NBR1: variants seen among roughly 807,000 people sequenced by gnomAD.
NBR1 encodes the protein next to BRCA1 gene 1 protein.
In NBR1, 59 loss-of-function variants were observed where a neutral mutation model predicts 115.5. The ratio of observed to expected loss-of-function variants is 0.51; its 90% CI spans 0.41 to 0.63. The LOEUF is 0.63. Ranked by LOEUF, NBR1 falls within the 30% of genes least tolerant of loss-of-function variation. NBR1 has a pLI of 0.00. For synonymous variants in NBR1, 373 were observed against 414.7 expected (o/e 0.90, Z 1.22); for missense variants, 1,043 against 1,150.5 (o/e 0.91, Z 1.35).
intron 1 of NBR1, among the ~76,000 whole-genome samples, chr17:43,171,690 A>C (rs562125800): frequency 6.6e-6 from 1 of 152,276 alleles, no homozygotes; most frequent in African/African-American, 2.4e-5. Flanking sequence ...CACTACTTAC[A>C]CATCCTTCTC....
intron 7 of NBR1, 56 bp from the exon 8 acceptor site, chr17:43,189,532 A>T (rs2056893585): frequency 1.5e-5 from 20 of 1,300,170 alleles, no homozygotes; most frequent in Non-Finnish European, 2.2e-5. Flanking sequence ...ATATCTTCAC[A>T]TTTTTTTCTG....
chr17:43,207,853 G>A (rs1016758921), intron 20 of NBR1, among the ~76,000 whole-genome samples: 4 of 152,114 alleles, frequency 2.6e-5, no homozygotes, highest in African/African-American at 7.2e-5. Flanking sequence ...GCAAGCCAAC[G>A]GTATCCATCC....
chr17:43,194,972 G>C lies in NBR1; in HGVS notation c.1683G>C (p.Leu561=). The C allele has an allele frequency of 6.2e-7, 1 of 1,613,642 alleles. No homozygotes were observed. Among genetic ancestry groups the C allele is most frequent in the Non-Finnish European group, 8.5e-7 (1 of 1,179,746 alleles). The change falls in exon 14 of 21, where the codon CTG becomes CTC. Residue 561 remains leucine, a synonymous_variant. Coordinates refer to ENST00000590996, the MANE Select transcript of NBR1 (RefSeq NM_005899.5). ...SVDLLTAQDL[L]SFELLDINIV... ...ATTGTCTTTTTTTATAGGACCTGCT[G>C]TCCTTTGAGCTGTTGGATATAAACA...
Position 43,175,920 on chromosome 17 carries a change from T to C in NBR1, c.102+19T>C. 1 of 1,376,322 alleles carries C rather than the reference T, an allele frequency of 7.3e-7. No homozygotes were observed. The highest frequency in any genetic ancestry group is 1.2e-5 in the South Asian group (1 of 83,342). 85.3% of individuals were successfully genotyped at this position (1,376,322 alleles called of 1,614,324 possible). A position where few individuals can be genotyped will look rare whatever the true frequency, so the allele number is the denominator to read the frequency against. On this transcript the variant is annotated intron_variant, in intron 2 of 20. Coordinates refer to ENST00000590996, the MANE Select transcript of NBR1 (RefSeq NM_005899.5). ...AGCTATGGTGAGTGTTACTTTATTT[T>C]GTTTCTCCTTGGTTTAAGCATGGTT...
intron 19 of NBR1, among the ~76,000 whole-genome samples, chr17:43,203,365 A>G (rs1446629687): frequency 3.9e-5 from 6 of 152,160 alleles, no homozygotes; most frequent in Admixed American, 3.9e-4. Context: ...TGAGAGAATA[A>G]TTGAGCAGAC....
intron 2 of NBR1, 121 bp downstream of exon 2, chr17:43,176,022 CT>C: frequency 1.7e-6 from 1 of 571,870 alleles, no homozygotes; most frequent in East Asian, 3.1e-5. Context: ...ATTTCTGGGC[CT>C]TTTGGAAAAT....
At chr17:43,184,420 C>A (rs886402146) in intron 5 of NBR1, among the ~76,000 whole-genome samples, 3 of 126,372 alleles carry the variant, frequency 2.4e-5, no homozygotes, top group Non-Finnish European at 4.9e-5. Context: ...AGCTAGAGTG[C>A]AGTGGCGCCA....
Position 43,210,075 on chromosome 17 carries a change from G to A in NBR1, c.*1G>A. ...CGACTGGTACAGCCAACGCTATTGA[G>A]GAGTGACCTTGTATTAAATAACTGC... On this transcript the variant is annotated 3_prime_UTR_variant, in exon 21 of 21. Coordinates refer to ENST00000590996, the MANE Select transcript of NBR1 (RefSeq NM_005899.5). 5 of 1,607,514 alleles carry A rather than the reference G, an allele frequency of 3.1e-6. No individual in the cohort carries two copies. The highest frequency in any genetic ancestry group is 4.2e-6 in the Non-Finnish European group (5 of 1,176,824).
intron 18 of NBR1, 139 bp downstream of exon 18, chr17:43,201,919 C>T (rs1418547524): frequency 1.2e-5 from 7 of 607,422 alleles, no homozygotes; most frequent in Non-Finnish European, 2.0e-5. Context: ...GTGGCTCACA[C>T]CTGTAATCCC....
intron 5 of NBR1, among the ~76,000 whole-genome samples, chr17:43,184,369 A>ACTTTTTTTTTTTTT (rs2056749024): frequency 4.6e-5 from 1 of 21,820 alleles, no homozygotes; most frequent in Admixed American, 1.0e-3. Context: ...CCAAAATACT[A>ACTTTTTTTTTTTTT]TTCTTTTTTT....
intron 19 of NBR1, among the ~76,000 whole-genome samples, chr17:43,202,977 G>A (rs2057236907): frequency 6.6e-6 from 1 of 152,048 alleles, no homozygotes; most frequent in African/African-American, 2.4e-5. Flanking sequence ...CCAACATAGC[G>A]AAACCCCATG....
intron 6 of NBR1, among the ~76,000 whole-genome samples, chr17:43,187,755 A>C (rs1236704282): frequency 7.1e-6 from 1 of 140,924 alleles, no homozygotes; most frequent in East Asian, 2.2e-4. Flanking sequence ...TGATCCGCCC[A>C]CCTCGGCCTC....
At chr17:43,190,568 C>G in intron 8 of NBR1, 41 bp from the exon 9 acceptor site, 1 of 1,549,016 alleles carries the variant, frequency 6.5e-7, no homozygotes, top group East Asian at 2.4e-5. Flanking sequence ...CCAGGTACTT[C>G]CTATTCTGCC....
chr17:43,171,104 C>T (rs575855287), upstream of NBR1: 54 of 152,868 alleles, frequency 3.5e-4, no homozygotes, highest in African/African-American at 1.3e-3. Flanking sequence ...TCGACGCAAT[C>T]TCCACCAATC....
intron 18 of NBR1, among the ~76,000 whole-genome samples, 195 bp from the exon 19 acceptor site, chr17:43,202,460 C>T (rs1225451486): frequency 1.3e-5 from 2 of 151,602 alleles, no homozygotes; most frequent in African/African-American, 4.8e-5. Flanking sequence ...AATCATCTTG[C>T]ATTGCATTTC....
chr17:43,200,245 TGGAGGAGGA>T lies in NBR1; in HGVS notation c.2112_2120del (p.Glu704_Glu706del), dbSNP rs766906447. ...CATATCGCTGAGGAAGAAGCTGTCATGGAGGAGGAGGAGGATGAGGAGGATGAGGAGGAG... is the reference window on the plus strand; with the variant it reads ...CATATCGCTGAGGAAGAAGCTGTCATGGAGGATGAGGAGGATGAGGAGGAG... On this transcript the variant is annotated inframe_deletion, in exon 17 of 21. Coordinates refer to ENST00000590996, the MANE Select transcript of NBR1 (RefSeq NM_005899.5). 7.1e-6 allele frequency: 11 copies of T among 1,551,376 alleles called. No homozygotes were observed. Among genetic ancestry groups the T allele is most frequent in the African/African-American group, 4.1e-5 (3 of 72,984 alleles).
Position 43,190,658 on chromosome 17 carries a change from G to A in NBR1, c.745G>A (p.Gly249Ser), listed in dbSNP as rs1472893901. 21 of 1,611,316 alleles carry A rather than the reference G, an allele frequency of 1.3e-5. 1 individual carries two copies. The Admixed American group carries it at 3.5e-4, about 27-fold the overall frequency. Residue 249 changes from glycine to serine, a missense_variant, in exon 9 of 21, where the codon GGC becomes AGC. Transcript: ENST00000590996. ...TGAAGATTGTGAAGCAGGGCCATAT[G>A]GCCATGACACTAACCACGTCCTGCT... ...ICEDCEAGPY[G>S]HDTNHVLLKL...
chr17:43,171,740 T>A (rs2056377226), intron 1 of NBR1, among the ~76,000 whole-genome samples: 1 of 152,192 alleles, frequency 6.6e-6, no homozygotes, highest in African/African-American at 2.4e-5. Context: ...AGAGATCTCC[T>A]TGGTTAGGGA....
rs768310298 is a variant in NBR1, at chr17:43,190,662, A to C, written c.749A>C (p.His250Pro). 1.2e-6 allele frequency: 2 copies of C among 1,612,334 alleles called. No individual in the cohort carries two copies. Among genetic ancestry groups the C allele is most frequent in the Non-Finnish European group, 1.7e-6 (2 of 1,179,164 alleles). Reference sequence around the variant, plus strand: ...GATTGTGAAGCAGGGCCATATGGCCATGACACTAACCACGTCCTGCTGAAG... The same window carrying C: ...GATTGTGAAGCAGGGCCATATGGCCCTGACACTAACCACGTCCTGCTGAAG... ...CEDCEAGPYG[H>P]DTNHVLLKLR... Residue 250 changes from histidine (H) to proline (P), a missense_variant, in exon 9 of 21, where the codon CAT (histidine) becomes CCT (proline). Transcript: ENST00000590996.
Sources: gnomAD v4.1 joint callset for allele counts (sites outside exome capture counted in the v4.1 genomes callset) on GRCh38, gnomAD v4.1.1 for gene constraint, MANE v1.5 for transcripts, NCBI Gene and HGNC (gene_info 2026-07-23, HGNC 2026-07-21) for gene names.